Variants in ABCC4 observed in about 807,000 individuals in gnomAD.
The protein encoded by ABCC4 is ATP-binding cassette sub-family C member 4.
A neutral mutation model predicts 168.5 loss-of-function variants in ABCC4; 102 were observed. That is an observed-to-expected ratio of 0.61 (90% CI 0.52 to 0.71). ABCC4 has a LOEUF of 0.71. Ranked by LOEUF, ABCC4 falls within the 30% of genes least tolerant of loss-of-function variation. The probability of loss-of-function intolerance (pLI) is 0.00; values close to 1 mark genes in which losing one functional copy is unlikely to be tolerated. For synonymous variants in ABCC4, 617 were observed against 590.7 expected, an observed-to-expected ratio of 1.04 and a Z score of -0.65; for missense variants, 1,402 against 1,605.8, an observed-to-expected ratio of 0.87 and a Z score of 2.17.
chr13:95,203,577 C>CT (rs2038693377), intron 8 of ABCC4, among the ~76,000 whole-genome samples: 1 of 151,872 alleles, frequency 6.6e-6, no homozygotes, highest in African/African-American at 2.4e-5. Flanking sequence ...AAGCTGGTCT[C>CT]TAACTCCTGA....
chr13:95,170,650 G>A lies in ABCC4; in HGVS notation c.1728-22C>T, dbSNP rs182529376. On this transcript the variant is annotated intron_variant, in intron 13 of 30. Coordinates refer to ENST00000645237, the MANE Select transcript of ABCC4 (RefSeq NM_005845.5). ...ACACCTATAAATGTAAAAGGCACAG[G>A]GTGAAAAAATGCATGAATGGGGTGC... 4.6e-6 allele frequency: 7 copies of A among 1,516,208 alleles called. No homozygotes were observed. The East Asian group carries it at 1.6e-4, about 34-fold the overall frequency. 93.9% of individuals were successfully genotyped at this position (1,516,208 alleles called of 1,614,324 possible).
At chr13:95,139,468 C>A (rs2036245369) in intron 19 of ABCC4, among the ~76,000 whole-genome samples, 1 of 152,166 alleles carries the variant, frequency 6.6e-6, no homozygotes, top group African/African-American at 2.4e-5. Flanking sequence ...AGCATGAGGG[C>A]AAGCTGTGTA....
chr13:95,060,743 C>A (rs2033257091), intron 26 of ABCC4, among the ~76,000 whole-genome samples: 1 of 152,174 alleles, frequency 6.6e-6, no homozygotes, highest in South Asian at 2.1e-4. Context: ...TGGTACAATA[C>A]ACATAGCATA....
chr13:95,034,034 AG>A (rs1005208690), intron 30 of ABCC4, among the ~76,000 whole-genome samples: 7 of 152,230 alleles, frequency 4.6e-5, no homozygotes, highest in Admixed American at 2.6e-4. Flanking sequence ...ACAAAGAATG[AG>A]GGGAAAACCC....
At position 95,080,333 on chromosome 13, in the gene ABCC4, T is replaced by A. The variant is rs550691981; in HGVS notation, c.2686+2807A>T. Among the ~76,000 whole-genome samples, 29 of 152,334 alleles carry A rather than the reference T, an allele frequency of 1.9e-4. No individual in the cohort carries two copies. The South Asian group carries it at 3.7e-3, about 20-fold the overall frequency. Reference sequence around the variant, plus strand: ...TTTTATGTACTTCTCTATGACTGACTGTTGATGTGGTGACTCTTGCAAACA... The same window carrying A: ...TTTTATGTACTTCTCTATGACTGACAGTTGATGTGGTGACTCTTGCAAACA... On this transcript the variant is annotated intron_variant, in intron 21 of 30. Transcript: ENST00000645237.
chr13:95,218,459 G>T (rs1034278734), intron 4 of ABCC4, among the ~76,000 whole-genome samples: 1 of 152,180 alleles, frequency 6.6e-6, no homozygotes, highest in Non-Finnish European at 1.5e-5. Context: ...CAACCTGTAT[G>T]TTCTTTATAA....
intron 11 of ABCC4, among the ~76,000 whole-genome samples, chr13:95,178,681 T>TG (rs1566496583): frequency 6.6e-6 from 1 of 151,994 alleles, no homozygotes; most frequent in African/African-American, 2.4e-5. Context: ...GCAATATGGA[T>TG]GCACACGGAA....
rs1272348888 is a variant in ABCC4 at position 95,047,120 on chromosome 13, T to C, written c.3457-2682A>G. Among the ~76,000 whole-genome samples, 5 of 152,136 alleles carry C rather than the reference T, an allele frequency of 3.3e-5. No individual in the cohort carries two copies. In the East Asian group the frequency reaches 9.6e-4, roughly 29 times the overall value. ...TACCGTATTAACAAATGGTGAATCTTGGAGAAGGGTATGTGTATGTTCATA... is the reference window on the plus strand; with the variant it reads ...TACCGTATTAACAAATGGTGAATCTCGGAGAAGGGTATGTGTATGTTCATA... On this transcript the variant is annotated intron_variant, in intron 27 of 30. Transcript: ENST00000645237.
intron 19 of ABCC4, among the ~76,000 whole-genome samples, chr13:95,156,990 G>A (rs1257685175): frequency 6.6e-6 from 1 of 151,926 alleles, no homozygotes; most frequent in Non-Finnish European, 1.5e-5. Context: ...TACTCGGGAG[G>A]CTGAGGCAGG....
intron 18 of ABCC4, among the ~76,000 whole-genome samples, chr13:95,162,547 A>C (rs1031334633): frequency 3.3e-5 from 5 of 152,186 alleles, no homozygotes; most frequent in African/African-American, 1.2e-4. Context: ...TCAAGGTAAG[A>C]AATAGAAGGC....
intron 8 of ABCC4, among the ~76,000 whole-genome samples, chr13:95,203,278 T>TC (rs531202752): frequency 7.3e-4 from 110 of 151,396 alleles, no homozygotes; most frequent in African/African-American, 2.5e-3. Context: ...TTTCTATTTC[T>TC]CCACATGGCC....
At chr13:95,090,710 C>CA (rs1441027460) in intron 20 of ABCC4, among the ~76,000 whole-genome samples, 1 of 152,134 alleles carries the variant, frequency 6.6e-6, no homozygotes, top group Non-Finnish European at 1.5e-5. Flanking sequence ...GATAATGTGA[C>CA]AAAATAAGGC....
Position 95,089,790 on chromosome 13 carries a change from A to G in ABCC4, c.2536-6500T>C, listed in dbSNP as rs188009567. Among the ~76,000 whole-genome samples the G allele has an allele frequency of 1.7e-3, 252 of 151,966 alleles. 1 individual carries two copies. The highest frequency in any genetic ancestry group is 5.1e-3 in the African/African-American group (212 of 41,444). On this transcript the variant is annotated intron_variant, in intron 20 of 30. Transcript: ENST00000645237. The stretch of plus-strand genomic sequence containing the variant: ...ATATAAATAGTGGCAAGAAAACACC[A>G]GGGCTTGAACCCAGGAGATGAAAGT...
chr13:95,213,741 C>T (rs1292080845), intron 4 of ABCC4, among the ~76,000 whole-genome samples: 3 of 152,112 alleles, frequency 2.0e-5, no homozygotes, highest in Admixed American at 6.5e-5. Context: ...GCTACCTGCC[C>T]TATGATTAAC....
At chr13:95,141,562 G>A (rs1451795805) in intron 19 of ABCC4, among the ~76,000 whole-genome samples, 1 of 151,680 alleles carries the variant, frequency 6.6e-6, no homozygotes, top group Admixed American at 6.6e-5. Flanking sequence ...GGGGGGTGGG[G>A]GGTATCAATG....
At chr13:95,115,387 CTT>C (rs1165467230) in intron 20 of ABCC4, among the ~76,000 whole-genome samples, 2 of 151,358 alleles carry the variant, frequency 1.3e-5, no homozygotes, top group African/African-American at 4.9e-5. Context: ...ATATCCTTGC[CTT>C]TAAAGGCTTT....
At chr13:95,188,161 A>T (rs1054719885) in intron 10 of ABCC4, among the ~76,000 whole-genome samples, 1 of 136,846 alleles carries the variant, frequency 7.3e-6, no homozygotes, top group Non-Finnish European at 1.6e-5. Context: ...CCACTTTCTT[A>T]GTCAATCCAT....
rs780266559 is a variant in ABCC4, at chr13:95,257,214, G to A, written c.75-9461C>T. 4.6e-5 allele frequency among the ~76,000 whole-genome samples: 7 copies of A among 152,176 alleles called. 1 individual carries two copies. The highest frequency in any genetic ancestry group is 8.8e-5 in the Non-Finnish European group (6 of 68,020). On this transcript the variant is annotated intron_variant, in intron 1 of 30. Transcript: ENST00000645237. ...TAAAGTAAGCTAGAGAAAGGAAACC[G>A]CCATTAAGACAATCATTGTGGAAAA...
chr13:95,029,862 G>A (rs1417506538), intron 30 of ABCC4, among the ~76,000 whole-genome samples: 1 of 152,202 alleles, frequency 6.6e-6, no homozygotes, highest in Non-Finnish European at 1.5e-5. Context: ...CATGACAGGT[G>A]AGGCCTCTGA....
Sources: gnomAD v4.1 joint callset for allele counts (sites outside exome capture counted in the v4.1 genomes callset) on GRCh38, gnomAD v4.1.1 for gene constraint, MANE v1.5 for transcripts, NCBI Gene and HGNC (gene_info 2026-07-23, HGNC 2026-07-21) for gene names.